Variants in PACSIN2 observed in about 807,000 individuals in gnomAD.
PACSIN2 encodes protein kinase C and casein kinase substrate in neurons 2, also known as protein kinase C and casein kinase substrate in neurons protein 2.
A neutral mutation model predicts 63.8 loss-of-function variants in PACSIN2; 25 were observed. That is an observed-to-expected ratio of 0.39 (90% confidence interval 0.29 to 0.55). The LOEUF is 0.55. PACSIN2 is among the 20% of genes least tolerant of loss of function. The pLI is 0.62. For missense variants in PACSIN2, 518 were observed against 646.9 expected (o/e 0.80, Z 2.16); for synonymous variants, 255 against 256.2 (o/e 1.00, Z 0.05).
intron 1 of PACSIN2, among the ~76,000 whole-genome samples, chr22:42,961,180 T>A (rs1934119927): frequency 6.6e-6 from 1 of 152,228 alleles, no homozygotes; most frequent in African/African-American, 2.4e-5. Context: ...TATACACTAT[T>A]TACCAGTGTT....
At chr22:42,892,580 C>G (rs111437031) in intron 3 of PACSIN2, among the ~76,000 whole-genome samples, 63 of 152,310 alleles carry the variant, frequency 4.1e-4, no homozygotes, top group African/African-American at 1.4e-3. Flanking sequence ...ACACTGCCAC[C>G]GACCAAGGGA....
chr22:42,888,712 T>C lies in PACSIN2; in HGVS notation c.540A>G (p.Pro180=), dbSNP rs765062359. The change falls in exon 5 of 11, where the codon CCA becomes CCG. Residue 180 remains proline, a synonymous_variant. Transcript: ENST00000263246. The part of the protein sequence containing the change: ...ISREANSKAD[P]SLNPEQLKKL... ...TCTTGAGCTGTTCAGGGTTGAGGGATGGGTCTGCCTTGCTGTTGGCTTCTC... is the reference window on the plus strand; with the variant it reads ...TCTTGAGCTGTTCAGGGTTGAGGGACGGGTCTGCCTTGCTGTTGGCTTCTC... 1 of 1,614,178 alleles carries C rather than the reference T, an allele frequency of 6.2e-7. No homozygotes were observed. Among genetic ancestry groups the C allele is most frequent in the Non-Finnish European group, 8.5e-7 (1 of 1,180,010 alleles).
At chr22:42,977,612 GCTCT>G (rs1921796167) in intron 1 of PACSIN2, among the ~76,000 whole-genome samples, 3 of 152,194 alleles carry the variant, frequency 2.0e-5, no homozygotes, top group Admixed American at 1.3e-4. Flanking sequence ...ATATGGTTAG[GCTCT>G]GTGTCCTCAC....
Position 42,884,391 on chromosome 22 carries a change from C to A in PACSIN2, c.780G>T (p.Val260=). ...TTAGCTCAAAGGAAACTTACCCAGC[C>A]ACATTGGACAGGTCTAGGTGCTTCT... ...EVQKHLDLSN[V]AGYKAIYHDL... is the part of the protein sequence containing the mutation. Residue 260 remains valine, a synonymous_variant, in exon 6 of 11, where the codon GTG becomes GTT. Transcript: ENST00000263246. 1 of 1,609,090 alleles carries A rather than the reference C, an allele frequency of 6.2e-7. No individual in the cohort carries two copies. Among genetic ancestry groups the A allele is most frequent in the Non-Finnish European group, 8.5e-7 (1 of 1,178,338 alleles).
intron 2 of PACSIN2, among the ~76,000 whole-genome samples, chr22:42,911,221 A>C (rs979032171): frequency 6.6e-6 from 1 of 151,902 alleles, no homozygotes; most frequent in Non-Finnish European, 1.5e-5. Flanking sequence ...GCCTCTTTCC[A>C]TGAAGGCCAA....
intron 7 of PACSIN2, among the ~76,000 whole-genome samples, chr22:42,880,168 A>C (rs1392854530): frequency 6.6e-6 from 1 of 152,210 alleles, no homozygotes; most frequent in East Asian, 1.9e-4. Flanking sequence ...ACGTACTTAC[A>C]GAACTTTTGG....
chr22:42,919,148 T>C (rs768443096), intron 1 of PACSIN2, among the ~76,000 whole-genome samples: 1 of 152,140 alleles, frequency 6.6e-6, no homozygotes, highest in Non-Finnish European at 1.5e-5. Flanking sequence ...TAATAATTAA[T>C]TGGGGGCTTC....
chr22:42,928,748 C>A (rs574324222), intron 1 of PACSIN2, among the ~76,000 whole-genome samples: 5 of 152,154 alleles, frequency 3.3e-5, no homozygotes, highest in Non-Finnish European at 5.9e-5. Flanking sequence ...AATACATATA[C>A]CTCTAAACAA....
chr22:43,011,991 A>G (rs752550868), intron 1 of PACSIN2, among the ~76,000 whole-genome samples: 2 of 152,120 alleles, frequency 1.3e-5, no homozygotes, highest in Non-Finnish European at 2.9e-5. Flanking sequence ...CTATAAATAC[A>G]AAAATTAGCC....
chr22:42,970,181 C>A (rs1921146181), intron 1 of PACSIN2, among the ~76,000 whole-genome samples: 1 of 152,154 alleles, frequency 6.6e-6, no homozygotes, highest in African/African-American at 2.4e-5. Context: ...ACCAGTGCCA[C>A]CTGAATCACA....
At chr22:42,955,057 T>A (rs531916062) in intron 1 of PACSIN2, among the ~76,000 whole-genome samples, 1 of 152,140 alleles carries the variant, frequency 6.6e-6, no homozygotes, top group Non-Finnish European at 1.5e-5. Flanking sequence ...AAACTCATCA[T>A]CAAACTGGAG....
chr22:42,934,060 GGCT>G (rs1243459013), intron 1 of PACSIN2, among the ~76,000 whole-genome samples: 3 of 152,198 alleles, frequency 2.0e-5, no homozygotes, highest in African/African-American at 7.2e-5. Context: ...TTGTCTTCCA[GGCT>G]TTTTCCCCAT....
chr22:42,976,390 G>C (rs767208647), intron 1 of PACSIN2, among the ~76,000 whole-genome samples: 1 of 152,232 alleles, frequency 6.6e-6, no homozygotes, highest in Admixed American at 6.5e-5. Flanking sequence ...AGACAGAGCA[G>C]AGGCAACACT....
At chr22:43,003,181 C>T (rs1024238225) in intron 1 of PACSIN2, among the ~76,000 whole-genome samples, 4 of 152,150 alleles carry the variant, frequency 2.6e-5, no homozygotes, top group South Asian at 2.1e-4. Context: ...CCACTTTGTG[C>T]GTGGAAGGTA....
At chr22:42,959,246 A>C (rs1934037971) in intron 1 of PACSIN2, among the ~76,000 whole-genome samples, 1 of 152,174 alleles carries the variant, frequency 6.6e-6, no homozygotes, top group Admixed American at 6.5e-5. Context: ...TTTCTCTCTC[A>C]AGTCCCACTT....
In PACSIN2 at chr22:42,935,721, G is replaced by A. The variant is rs913156656; in HGVS notation, c.-77-23564C>T. Among the ~76,000 whole-genome samples, 9 of 152,150 alleles carry A rather than the reference G, an allele frequency of 5.9e-5. No homozygotes were observed. In the East Asian group the frequency reaches 1.7e-3, roughly 29 times the overall value. On this transcript the variant is annotated intron_variant, in intron 1 of 10. Transcript: ENST00000263246. Reference sequence around the variant, plus strand: ...AACTTGAGAACAGGTTCACGGGCCAGACACTGAAACACACTGGTCCCGAGG... The same window carrying A: ...AACTTGAGAACAGGTTCACGGGCCAAACACTGAAACACACTGGTCCCGAGG...
intron 1 of PACSIN2, among the ~76,000 whole-genome samples, chr22:42,990,923 G>C (rs1210478424): frequency 6.6e-6 from 1 of 152,130 alleles, no homozygotes; most frequent in Non-Finnish European, 1.5e-5. Flanking sequence ...TCTTCCAGAT[G>C]GTCACCTTCT....
At chr22:42,965,651 G>T (rs969840342) in intron 1 of PACSIN2, among the ~76,000 whole-genome samples, 2 of 152,090 alleles carry the variant, frequency 1.3e-5, no homozygotes, top group Admixed American at 1.3e-4. Flanking sequence ...TCAATTCTTG[G>T]AATAACTGAT....
intron 9 of PACSIN2, among the ~76,000 whole-genome samples, chr22:42,876,601 C>T (rs916995968): frequency 2.6e-5 from 4 of 152,252 alleles, no homozygotes; most frequent in African/African-American, 9.6e-5. Context: ...GCACAGACTG[C>T]GCGTTGTCTG....
Sources: gnomAD v4.1 joint callset for allele counts (sites outside exome capture counted in the v4.1 genomes callset) on GRCh38, gnomAD v4.1.1 for gene constraint, MANE v1.5 for transcripts, NCBI Gene and HGNC (gene_info 2026-07-23, HGNC 2026-07-21) for gene names.